Variants in DYRK1A observed in about 807,000 individuals in gnomAD.
The protein encoded by DYRK1A is dual specificity tyrosine-phosphorylation-regulated kinase 1A.
In DYRK1A, 9 loss-of-function variants were observed where a neutral mutation model predicts 79.7. The observed-to-expected ratio is 0.11, with a 90% CI of 0.07 to 0.20. DYRK1A has a LOEUF of 0.20. Among genes scored for constraint, DYRK1A ranks in the 10% least tolerant of loss-of-function variants. DYRK1A has a pLI of 1.00. For missense variants in DYRK1A, 622 were observed against 956.0 expected, an observed-to-expected ratio of 0.65 and a Z score of 4.61; for synonymous variants, 349 against 329.7, an observed-to-expected ratio of 1.06 and a Z score of -0.63.
intron 2 of DYRK1A, among the ~76,000 whole-genome samples, chr21:37,472,166 C>T (rs901982280): frequency 6.6e-6 from 1 of 152,114 alleles, no homozygotes; most frequent in Non-Finnish European, 1.5e-5. Flanking sequence ...GTTTGTTTTC[C>T]TGTTTTTATA....
chr21:37,429,309 G>A (rs2050712118), intron 2 of DYRK1A, among the ~76,000 whole-genome samples: 1 of 152,144 alleles, frequency 6.6e-6, no homozygotes, highest in Non-Finnish European at 1.5e-5. Flanking sequence ...GGTGGTAGTA[G>A]TATTCTTCAG....
rs2053965796 is a variant in DYRK1A, at chr21:37,526,046, T to C, written c.*13515T>C. The stretch of plus-strand genomic sequence containing the variant: ...TGTTAAGTGATTTCAAGAAGAACTA[T>C]TGTTTGAATCACAACTAATGTTACT... On this transcript the variant is annotated 3_prime_UTR_variant, in exon 12 of 12. Transcript: ENST00000647188. 6.6e-6 allele frequency: 1 copy of C among 152,258 alleles called. No homozygotes were observed. Among genetic ancestry groups the C allele is most frequent in the Non-Finnish European group, 1.5e-5 (1 of 68,048 alleles). 9.4% of individuals were successfully genotyped at this position (152,258 alleles called of 1,614,324 possible).
At chr21:37,377,791 C>G (rs1226581966) in intron 1 of DYRK1A, among the ~76,000 whole-genome samples, 1 of 152,152 alleles carries the variant, frequency 6.6e-6, no homozygotes, top group African/African-American at 2.4e-5. Flanking sequence ...GTATTCTGTT[C>G]TATGGTTGTA....
At chr21:37,476,215 G>A (rs530067917) in intron 3 of DYRK1A, among the ~76,000 whole-genome samples, 2 of 152,286 alleles carry the variant, frequency 1.3e-5, no homozygotes, top group African/African-American at 4.8e-5. Context: ...CCTTGGTCAA[G>A]TTCTTTAACG....
intron 1 of DYRK1A, among the ~76,000 whole-genome samples, chr21:37,387,243 A>C (rs1372221671): frequency 6.6e-6 from 1 of 152,246 alleles, no homozygotes; most frequent in Non-Finnish European, 1.5e-5. Flanking sequence ...TGCCTATTTA[A>C]CATTAAGCCA....
At position 37,511,927 on chromosome 21, in the gene DYRK1A, C is replaced by G; in HGVS notation, c.1661C>G (p.Pro554Arg). 1.2e-6 allele frequency: 2 copies of G among 1,611,636 alleles called. No individual in the cohort carries two copies. The highest frequency in any genetic ancestry group is 1.7e-6 in the Non-Finnish European group (2 of 1,177,878). Residue 554 changes from proline to arginine, a missense_variant, in exon 12 of 12, where the codon CCT becomes CGT. Physicochemically the swap from Pro to Arg is moderately radical, Grantham distance 103. Transcript: ENST00000647188. ...TTCTTTCAGGTGCGTCAGCAATTTC[C>G]TGCTCCTCTTGGTTGGTCAGGCACT... is the stretch of plus-strand genomic sequence containing the variant. ...THSPQVRQQF[P>R]APLGWSGTEA... is the part of the protein sequence containing the mutation.
chr21:37,462,483 AC>A (rs2051873833), intron 2 of DYRK1A, among the ~76,000 whole-genome samples: 1 of 152,082 alleles, frequency 6.6e-6, no homozygotes, highest in South Asian at 2.1e-4. Flanking sequence ...CTGTTTGAAC[AC>A]TCAATGTCTT....
At chr21:37,380,012 A>G (rs1188117031) in intron 1 of DYRK1A, among the ~76,000 whole-genome samples, 1 of 152,234 alleles carries the variant, frequency 6.6e-6, no homozygotes, top group Non-Finnish European at 1.5e-5. Flanking sequence ...TTAGTCTAGA[A>G]TAGATACAAA....
chr21:37,471,983 AT>A (rs1450463566), intron 2 of DYRK1A, among the ~76,000 whole-genome samples: 4 of 152,084 alleles, frequency 2.6e-5, no homozygotes, highest in African/African-American at 9.7e-5. Context: ...CAAAGTGTTA[AT>A]TTTTCATTTC....
chr21:37,472,536 G>T (rs1290672107), intron 2 of DYRK1A, 148 bp from the exon 3 acceptor site: 6 of 479,136 alleles, frequency 1.3e-5, no homozygotes, highest in Non-Finnish European at 2.1e-5. Flanking sequence ...TAACTGTTGT[G>T]TTGAGTAACA....
At chr21:37,399,684 C>A (rs1029890822) in intron 1 of DYRK1A, among the ~76,000 whole-genome samples, 1 of 152,044 alleles carries the variant, frequency 6.6e-6, no homozygotes, top group Admixed American at 6.6e-5. Flanking sequence ...GCATGAGAGG[C>A]GTGGAGAGTT....
chr21:37,478,638 T>C (rs2148572887), intron 4 of DYRK1A, among the ~76,000 whole-genome samples: 1 of 152,312 alleles, frequency 6.6e-6, no homozygotes, highest in East Asian at 1.9e-4. Flanking sequence ...ACTCTAAAAG[T>C]ATATATGTGT....
At chr21:37,503,866 T>G (rs2053521864) in intron 9 of DYRK1A, 8 of 152,236 alleles carry the variant, frequency 5.3e-5, no homozygotes. Context: ...TCTGCTATTT[T>G]CAACATCTGC....
chr21:37,391,358 C>T lies in DYRK1A; in HGVS notation c.-77+23730C>T, dbSNP rs551807734. On this transcript the variant is annotated intron_variant, in intron 1 of 11. Transcript: ENST00000647188. ...CTTATTCTGTGGCTTCCTTTAGTCT[C>T]CTAAGCCTGCCACTACTGTGCCATC... Among the ~76,000 whole-genome samples, 4 of 152,314 alleles carry T rather than the reference C, an allele frequency of 2.6e-5. No individual in the cohort carries two copies. The East Asian group carries it at 5.8e-4, about 22-fold the overall frequency.
At chr21:37,398,855 C>T (rs186062057) in intron 1 of DYRK1A, among the ~76,000 whole-genome samples, 7 of 151,236 alleles carry the variant, frequency 4.6e-5, no homozygotes, top group East Asian at 1.9e-4. Context: ...GGAGAGGCCA[C>T]GTGAGGTGAT....
Position 37,373,989 on chromosome 21 carries a change from TTCAAA to T in DYRK1A, c.-77+6363_-77+6367del, listed in dbSNP as rs2148357655. On this transcript the variant is annotated intron_variant, in intron 1 of 11. Transcript: ENST00000647188. ...AATTTTTTAAACTATGGTATGTGAA[TTCAAA>T]TAGACCGTTATGCAAAATATAAGTA... 2.0e-5 allele frequency among the ~76,000 whole-genome samples: 3 copies of T among 152,354 alleles called. No homozygotes were observed. In the South Asian group the frequency reaches 6.2e-4, roughly 32 times the overall value.
At chr21:37,444,951 C>T (rs73903976) in intron 2 of DYRK1A, among the ~76,000 whole-genome samples, 1 of 152,136 alleles carries the variant, frequency 6.6e-6, no homozygotes, top group South Asian at 2.1e-4. Flanking sequence ...GGGGAAGTGA[C>T]TGGGGCACTG....
Position 37,512,494 on chromosome 21 carries a change from G to A in DYRK1A, c.2228G>A (p.Gly743Glu). 1 of 1,614,180 alleles carries A rather than the reference G, an allele frequency of 6.2e-7. No individual in the cohort carries two copies. Among genetic ancestry groups the A allele is most frequent in the East Asian group, 2.2e-5 (1 of 44,880 alleles). Reference sequence around the variant, plus strand: ...GATAGAGAAGAGTCCCCCATGACAGGAGTTTGTGTGCAACAGAGTCCTGTA... The same window carrying A: ...GATAGAGAAGAGTCCCCCATGACAGAAGTTTGTGTGCAACAGAGTCCTGTA... ...GADREESPMTGVCVQQSPVAS... is the reference protein window; with the variant it reads ...GADREESPMTEVCVQQSPVAS... The change falls in exon 12 of 12, where the codon GGA (glycine) becomes GAA (glutamate). Residue 743 changes from glycine to glutamate, a missense_variant. By Grantham distance (98) the Gly-to-Glu change is moderately conservative. Transcript: ENST00000647188.
chr21:37,420,760 G>A (rs564924651), intron 2 of DYRK1A, among the ~76,000 whole-genome samples: 10 of 152,090 alleles, frequency 6.6e-5, no homozygotes, highest in Admixed American at 5.2e-4. Flanking sequence ...ATGTTAGTAG[G>A]ATATCATCAA....
Sources: gnomAD v4.1 joint callset for allele counts (sites outside exome capture counted in the v4.1 genomes callset) on GRCh38, gnomAD v4.1.1 for gene constraint, MANE v1.5 for transcripts, NCBI Gene and HGNC (gene_info 2026-07-23, HGNC 2026-07-21) for gene names.